The following DGKI variants were observed in gnomAD, a reference collection of about 807,000 sequenced individuals.
The protein encoded by DGKI is diacylglycerol kinase iota.
Under a neutral mutation model 147.5 loss-of-function variants are expected in DGKI, and 55 were observed. That is an observed-to-expected ratio of 0.37 (90% CI 0.30 to 0.47). The LOEUF (loss-of-function observed/expected upper bound fraction) is 0.47. Among genes scored for constraint, DGKI ranks in the 20% least tolerant of loss-of-function variants. The pLI, the probability that DGKI is intolerant of heterozygous loss-of-function variation, is 1.00. For missense variants in DGKI, 1,007 were observed against 1,323.8 expected (o/e 0.76, Z 3.71); for synonymous variants, 469 against 477.1 (o/e 0.98, Z 0.22).
At chr7:137,649,797 T>C (rs1042115525) in intron 5 of DGKI, among the ~76,000 whole-genome samples, 1 of 149,072 alleles carries the variant, frequency 6.7e-6, no homozygotes, top group Non-Finnish European at 1.5e-5. Context: ...ATATATTTCA[T>C]AGAGTTTGAA....
At chr7:137,608,907 G>T in intron 10 of DGKI, 59 bp downstream of exon 10, 1 of 1,327,258 alleles carries the variant, frequency 7.5e-7, no homozygotes, top group Non-Finnish European at 1.1e-6. Context: ...GGCAGTGAGA[G>T]TTGTGTCGTC....
rs113974641 is a variant in DGKI at position 137,702,601 on chromosome 7, G to T, written c.402-12599C>A. Among the ~76,000 whole-genome samples the T allele has an allele frequency of 2.2e-4, 34 of 152,234 alleles. 2 individuals carry two copies. Among genetic ancestry groups the T allele is most frequent in the African/African-American group, 8.2e-4 (34 of 41,546 alleles). On this transcript the variant is annotated intron_variant, in intron 1 of 32. Coordinates refer to ENST00000614521, the MANE Select transcript of DGKI (RefSeq NM_001321708.2). Reference sequence around the variant, plus strand: ...AGTGATTTTTGTGGCATTTTAAGTTGCCCTATCCCCATCCTTATCTCTCAG... The same window carrying T: ...AGTGATTTTTGTGGCATTTTAAGTTTCCCTATCCCCATCCTTATCTCTCAG...
intron 22 of DGKI, among the ~76,000 whole-genome samples, chr7:137,485,859 G>A (rs1815537280): frequency 6.6e-6 from 1 of 152,098 alleles, no homozygotes; most frequent in African/African-American, 2.4e-5. Flanking sequence ...CATGGTAACT[G>A]TTTATACTGA....
At chr7:137,788,142 T>C (rs1401608607) in intron 1 of DGKI, among the ~76,000 whole-genome samples, 1 of 152,190 alleles carries the variant, frequency 6.6e-6, no homozygotes, top group East Asian at 1.9e-4. Flanking sequence ...ATATTAGGGA[T>C]ACGATAATGT....
At chr7:137,829,908 A>C (rs1442347350) in intron 1 of DGKI, among the ~76,000 whole-genome samples, 1 of 152,218 alleles carries the variant, frequency 6.6e-6, no homozygotes, top group Non-Finnish European at 1.5e-5. Flanking sequence ...CGATGCAGGC[A>C]TAAGTCTGAA....
intron 30 of DGKI, among the ~76,000 whole-genome samples, chr7:137,405,212 G>A (rs1218878974): frequency 6.6e-6 from 1 of 151,536 alleles, no homozygotes; most frequent in Non-Finnish European, 1.5e-5. Context: ...ATATTGCATG[G>A]GCTATACTTA....
intron 1 of DGKI, among the ~76,000 whole-genome samples, chr7:137,827,488 C>T (rs943479379): frequency 6.6e-6 from 1 of 152,184 alleles, no homozygotes; most frequent in African/African-American, 2.4e-5. Context: ...CTGCCTGGAA[C>T]GCTTTCCATA....
chr7:137,649,773 G>GTATA (rs146209874), intron 5 of DGKI, among the ~76,000 whole-genome samples: 3,281 of 142,024 alleles, frequency 0.023, 105 homozygotes, highest in African/African-American at 0.076. Flanking sequence ...ATATATATAT[G>GTATA]TATATATATA....
intron 1 of DGKI, among the ~76,000 whole-genome samples, chr7:137,756,956 T>C (rs1189178891): frequency 1.3e-5 from 2 of 152,270 alleles, no homozygotes; most frequent in Non-Finnish European, 2.9e-5. Context: ...GGGTTCCATA[T>C]ATTTTGGATG....
chr7:137,521,440 G>A (rs1816957155), intron 21 of DGKI, among the ~76,000 whole-genome samples: 1 of 152,026 alleles, frequency 6.6e-6, no homozygotes, highest in South Asian at 2.1e-4. Context: ...ATAATATCTA[G>A]AAGTGCTGAA....
chr7:137,419,419 G>C (rs149313046), intron 28 of DGKI, among the ~76,000 whole-genome samples: 1,714 of 152,264 alleles, frequency 0.011, 26 homozygotes, highest in African/African-American at 0.039. Context: ...CACTCTCTGA[G>C]ATACATATTT....
At position 137,645,770 on chromosome 7, in the gene DGKI, T is replaced by A. The variant is rs562337337; in HGVS notation, c.739-233A>T. Among the ~76,000 whole-genome samples the A allele has an allele frequency of 7.2e-5, 11 of 152,350 alleles. 1 individual carries two copies. The highest frequency in any genetic ancestry group is 1.3e-4 in the Non-Finnish European group (9 of 68,040). On this transcript the variant is annotated intron_variant, in intron 5 of 32. Coordinates refer to ENST00000614521, the MANE Select transcript of DGKI (RefSeq NM_001321708.2). The stretch of plus-strand genomic sequence containing the variant: ...TTTGCAAATCTCAAGATTCATTTTT[T>A]AATGTGGTAATACTATTGATTTATA...
In DGKI at chr7:137,578,277, T is replaced by C. The variant is rs765015320; in HGVS notation, c.1691A>G (p.Tyr564Cys). 1.9e-6 allele frequency: 3 copies of C among 1,609,414 alleles called. No homozygotes were observed. The highest frequency in any genetic ancestry group is 1.7e-6 in the Non-Finnish European group (2 of 1,175,728). ...FNSRFRNKMFYAGAAFSDFLQ... is the reference protein window; with the variant it reads ...FNSRFRNKMFCAGAAFSDFLQ... Reference sequence around the variant, plus strand: ...AATAAAATGTATACCTACCCCTGCATAGAACATTTTATTTCGAAAACGACT... The same window carrying C: ...AATAAAATGTATACCTACCCCTGCACAGAACATTTTATTTCGAAAACGACT... The change falls in exon 16 of 33, where the codon TAT (tyrosine) becomes TGT (cysteine). Residue 564 changes from tyrosine (Y) to cysteine (C), a missense_variant. By Grantham distance (194) the Tyr-to-Cys change is radical. Transcript: ENST00000614521.
chr7:137,800,919 T>A (rs1242227091), intron 1 of DGKI, among the ~76,000 whole-genome samples: 1 of 152,200 alleles, frequency 6.6e-6, no homozygotes, highest in Non-Finnish European at 1.5e-5. Flanking sequence ...AGCTAAATAA[T>A]CCACCATTCT....
At chr7:137,728,985 A>C (rs926822916) in intron 1 of DGKI, among the ~76,000 whole-genome samples, 2 of 152,154 alleles carry the variant, frequency 1.3e-5, no homozygotes, top group Non-Finnish European at 2.9e-5. Flanking sequence ...CCTGAGGACT[A>C]ACAATATCAT....
intron 6 of DGKI, among the ~76,000 whole-genome samples, chr7:137,634,493 T>C (rs1821242326): frequency 6.6e-6 from 1 of 152,200 alleles, no homozygotes; most frequent in Non-Finnish European, 1.5e-5. Context: ...GAAATACCTG[T>C]CCATGAATCA....
At position 137,738,734 on chromosome 7, in the gene DGKI, C is replaced by A. The variant is rs3800646; in HGVS notation, c.402-48732G>T. On this transcript the variant is annotated intron_variant, in intron 1 of 32. Transcript: ENST00000614521. ...CAGAGAAGATGAGGTTCCCCCCCCC[C>A]CTTTCCTTTTCATATCCGATTTACT... is the stretch of plus-strand genomic sequence containing the variant. Among the ~76,000 whole-genome samples the A allele has an allele frequency of 2.7e-4, 41 of 150,150 alleles. 1 individual carries two copies. The highest frequency in any genetic ancestry group is 2.0e-3 in the East Asian group (10 of 4,972).
At chr7:137,795,466 A>G (rs1483590895) in intron 1 of DGKI, among the ~76,000 whole-genome samples, 1 of 152,254 alleles carries the variant, frequency 6.6e-6, no homozygotes, top group Non-Finnish European at 1.5e-5. Flanking sequence ...CTCAGTGAGG[A>G]AATCCCTGTA....
chr7:137,751,888 TAAG>T (rs1795499296), intron 1 of DGKI, among the ~76,000 whole-genome samples: 1 of 152,176 alleles, frequency 6.6e-6, no homozygotes, highest in African/African-American at 2.4e-5. Flanking sequence ...AAAGCAAGCA[TAAG>T]ATGATATAAA....
Sources: allele counts gnomAD v4.1 joint callset (sites outside exome capture counted in the v4.1 genomes callset), GRCh38; gene constraint gnomAD v4.1.1; transcripts MANE v1.5; gene names NCBI Gene and HGNC (gene_info 2026-07-23, HGNC 2026-07-21).